Variants in LIFR observed in about 807,000 individuals in gnomAD.
LIFR encodes leukemia inhibitory factor receptor.
Under a neutral mutation model 122.2 loss-of-function variants are expected in LIFR, and 84 were observed. The ratio of observed to expected loss-of-function variants is 0.69; its 90% CI spans 0.58 to 0.82. The LOEUF is 0.82. LIFR is among the 40% of genes least tolerant of loss of function. The probability of loss-of-function intolerance (pLI) is 0.00; values close to 1 mark genes in which losing one functional copy is unlikely to be tolerated. For synonymous variants in LIFR, 422 were observed against 434.7 expected (o/e 0.97, Z 0.36); for missense variants, 1,294 against 1,311.6 (o/e 0.99, Z 0.21).
chr5:38,514,516 G>GA (rs1224049400), intron 5 of LIFR, among the ~76,000 whole-genome samples: 3 of 152,186 alleles, frequency 2.0e-5, no homozygotes, highest in Admixed American at 6.5e-5. Flanking sequence ...AGTAACGTAT[G>GA]AAAGTTCCAG....
chr5:38,511,731 C>T (rs1745813802), intron 6 of LIFR, 59 bp downstream of exon 6: 1 of 1,526,442 alleles, frequency 6.6e-7, no homozygotes, highest in African/African-American at 1.4e-5. Flanking sequence ...CTAAATCTTA[C>T]TCTTAAGTGA....
At chr5:38,567,125 G>C (rs1260419411) in intron 1 of LIFR, among the ~76,000 whole-genome samples, 1 of 152,168 alleles carries the variant, frequency 6.6e-6, no homozygotes, top group Non-Finnish European at 1.5e-5. Context: ...TTTTTTTAAA[G>C]AACTGTTGTG....
chr5:38,517,541 T>C (rs1312181930), intron 5 of LIFR, among the ~76,000 whole-genome samples: 2 of 151,974 alleles, frequency 1.3e-5, no homozygotes, highest in East Asian at 3.9e-4. Flanking sequence ...TCAAGAAAAG[T>C]GAGAGTCTGC....
intron 1 of LIFR, among the ~76,000 whole-genome samples, chr5:38,533,707 C>T (rs555389731): frequency 3.3e-5 from 5 of 152,206 alleles, no homozygotes; most frequent in East Asian, 3.9e-4. Context: ...AATATGGTGG[C>T]GGTGGTGGGG....
Position 38,502,166 on chromosome 5 carries a change from A to C in LIFR, c.1600+471T>G, listed in dbSNP as rs1207314644. ...TTTTCTATACTATGACAAAACTTCA[A>C]AACTATCATTTAAAATATCTGTGAT... is the stretch of plus-strand genomic sequence containing the variant. On this transcript the variant is annotated intron_variant, in intron 11 of 19. Transcript: ENST00000453190. 3.9e-5 allele frequency among the ~76,000 whole-genome samples: 6 copies of C among 152,314 alleles called. No individual in the cohort carries two copies. The South Asian group carries it at 8.3e-4, about 21-fold the overall frequency.
upstream of LIFR, among the ~76,000 whole-genome samples, chr5:38,598,395 C>A: frequency 6.6e-6 from 1 of 151,318 alleles, no homozygotes; most frequent in East Asian, 1.9e-4. Flanking sequence ...TACAGGCATG[C>A]ACCACCATGC....
intron 1 of LIFR, among the ~76,000 whole-genome samples, chr5:38,554,352 G>C (rs1748401776): frequency 6.6e-6 from 1 of 152,182 alleles, no homozygotes; most frequent in Non-Finnish European, 1.5e-5. Flanking sequence ...TTATTTCCTG[G>C]AAGGTGATAT....
At chr5:38,561,120 C>G (rs1748823244), upstream of LIFR, among the ~76,000 whole-genome samples, 1 of 152,158 alleles carries the variant, frequency 6.6e-6, no homozygotes, top group South Asian at 2.1e-4. Flanking sequence ...CCTACAGTTT[C>G]ATCAGGAGAA....
chr5:38,598,513 A>C (rs188401243), upstream of LIFR, among the ~76,000 whole-genome samples: 39 of 152,014 alleles, frequency 2.6e-4, no homozygotes, highest in East Asian at 7.4e-3. Flanking sequence ...CCCAAAAGGC[A>C]CACTTTCAAT....
intron 1 of LIFR, among the ~76,000 whole-genome samples, chr5:38,531,095 A>G (rs1746983805): frequency 6.6e-6 from 1 of 152,220 alleles, no homozygotes; most frequent in Admixed American, 6.5e-5. Context: ...ATGACAAGTT[A>G]TATTAGTTTT....
intron 1 of LIFR, among the ~76,000 whole-genome samples, chr5:38,553,638 A>ATATAT (rs1554027585): frequency 2.6e-5 from 2 of 78,256 alleles, no homozygotes; most frequent in Non-Finnish European, 4.6e-5. Context: ...ATATATATAT[A>ATATAT]TATATATATA....
chr5:38,519,835 T>C (rs1379231274), intron 5 of LIFR, among the ~76,000 whole-genome samples: 3 of 152,224 alleles, frequency 2.0e-5, no homozygotes, highest in African/African-American at 7.2e-5. Context: ...AGAATTCCAT[T>C]GTGTGTATAT....
Position 38,528,774 on chromosome 5 carries a change from G to A in LIFR, c.209C>T (p.Pro70Leu). The change falls in exon 3 of 20, where the codon CCC (proline) becomes CTC (leucine). Residue 70 changes from proline to leucine, a missense_variant. Physicochemically the swap from Pro to Leu is moderately conservative, Grantham distance 98 (BLOSUM62 -3). Coordinates refer to ENST00000453190, the MANE Select transcript of LIFR (RefSeq NM_001127671.2). The stretch of plus-strand genomic sequence containing the variant: ...ATCAGTACCACGGCCTGTTCCAGAG[G>A]GTGCTTTCCAAGAACAGTTCCACAC... ...LQVWNCSWKAPSGTGRGTDYE... is the reference protein window; with the variant it reads ...LQVWNCSWKALSGTGRGTDYE... 6.3e-7 allele frequency: 1 copy of A among 1,598,672 alleles called. No individual in the cohort carries two copies.
At chr5:38,535,661 G>A (rs1259960750) in intron 1 of LIFR, among the ~76,000 whole-genome samples, 1 of 152,138 alleles carries the variant, frequency 6.6e-6, no homozygotes, top group Non-Finnish European at 1.5e-5. Flanking sequence ...CAGACCGTCA[G>A]ATCCTTGAGA....
chr5:38,505,401 TACACACACAC>T (rs58882043), intron 9 of LIFR, among the ~76,000 whole-genome samples: 6,466 of 139,432 alleles, frequency 0.046, 185 homozygotes, highest in Middle Eastern at 0.1. Context: ...TGCATAGAAC[TACACACACAC>T]ACACACACAC....
intron 14 of LIFR, among the ~76,000 whole-genome samples, chr5:38,492,266 G>A (rs1442044991): frequency 2.0e-5 from 3 of 152,138 alleles, no homozygotes; most frequent in Non-Finnish European, 4.4e-5. Flanking sequence ...AATTGAGTTG[G>A]CACAGAAAGT....
chr5:38,526,933 T>C (rs541141256), intron 4 of LIFR, among the ~76,000 whole-genome samples: 5 of 152,234 alleles, frequency 3.3e-5, no homozygotes, highest in South Asian at 2.1e-4. Flanking sequence ...AGAAAGAGTA[T>C]GGAACTGAGG....
chr5:38,599,368 C>G (rs540315493), upstream of LIFR, among the ~76,000 whole-genome samples: 6 of 152,196 alleles, frequency 3.9e-5, no homozygotes, highest in African/African-American at 1.4e-4. Context: ...GTCACTGGCT[C>G]AGTTACAGAA....
At chr5:38,598,225 T>A (rs1411357585), upstream of LIFR, among the ~76,000 whole-genome samples, 1,567 of 64,658 alleles carry the variant, frequency 0.024, 72 homozygotes, top group African/African-American at 0.14. Context: ...TTTTTTTTTT[T>A]TTTTTTTATT....
Sources: allele counts gnomAD v4.1 joint callset (sites outside exome capture counted in the v4.1 genomes callset), GRCh38; gene constraint gnomAD v4.1.1; transcripts MANE v1.5; gene names NCBI Gene and HGNC (gene_info 2026-07-23, HGNC 2026-07-21).